Variants in JKAMP observed in about 807,000 individuals in gnomAD.
JKAMP encodes JNK1/MAPK8-associated membrane protein.
JKAMP carries 20 observed loss-of-function variants against 40.2 expected under a neutral mutation model. The observed-to-expected ratio is 0.50, with a 90% confidence interval of 0.35 to 0.72. The LOEUF (loss-of-function observed/expected upper bound fraction) is 0.72, where lower values mean the gene tolerates loss of function less well. JKAMP is among the 30% of genes least tolerant of loss of function. JKAMP has a pLI of 0.01. For missense variants in JKAMP, 276 were observed against 373.0 expected (o/e 0.74, Z 2.14); for synonymous variants, 138 against 131.6 (o/e 1.05, Z -0.33).
chr14:59,499,926 T>C (rs1159810722), intron 5 of JKAMP, among the ~76,000 whole-genome samples: 1 of 152,204 alleles, frequency 6.6e-6, no homozygotes, highest in Non-Finnish European at 1.5e-5. Flanking sequence ...TCTCTGTCTT[T>C]TGAGGTTGCC....
chr14:59,486,766 T>C lies in JKAMP; in HGVS notation c.58T>C (p.Phe20Leu). Residue 20 changes from phenylalanine to leucine, a missense_variant, in exon 2 of 7, where the codon TTT (phenylalanine) becomes CTT (leucine). Transcript: ENST00000616435. ...LGLYCGKTLL[F>L]KNGSTEIYGE... ...ACTTTATTGTGGGAAGACCCTATTA[T>C]TTAAAAATGGCTCAACTGAAATATA... is the stretch of plus-strand genomic sequence containing the variant. The C allele has an allele frequency of 6.3e-7, 1 of 1,595,206 alleles. No individual in the cohort carries two copies. Among genetic ancestry groups the C allele is most frequent in the Non-Finnish European group, 8.6e-7 (1 of 1,169,406 alleles).
intron 3 of JKAMP, among the ~76,000 whole-genome samples, chr14:59,491,367 G>A (rs562976330): frequency 4.6e-4 from 70 of 152,288 alleles, no homozygotes; most frequent in African/African-American, 1.6e-3. Context: ...TTCTAAAATT[G>A]TATTTCATTT....
intron 1 of JKAMP, chr14:59,485,241 A>G (rs1890444542): frequency 1.0e-6 from 1 of 991,872 alleles, no homozygotes; most frequent in Non-Finnish European, 1.4e-6. Context: ...TGTAAAGCCC[A>G]TACAGAAGTT....
chr14:59,491,937 C>T (rs1446307791), intron 3 of JKAMP, among the ~76,000 whole-genome samples: 1 of 152,216 alleles, frequency 6.6e-6, no homozygotes, highest in East Asian at 1.9e-4. Context: ...AGCAGAGCCT[C>T]TTTGCTGGAA....
chr14:59,487,959 A>G (rs968265748), intron 3 of JKAMP, 131 bp downstream of exon 3: 3 of 862,802 alleles, frequency 3.5e-6, no homozygotes, highest in Non-Finnish European at 5.5e-6. Context: ...TCTTCAGATT[A>G]TTCTTAACTG....
At chr14:59,490,745 T>C (rs778599799) in intron 3 of JKAMP, among the ~76,000 whole-genome samples, 1 of 152,192 alleles carries the variant, frequency 6.6e-6, no homozygotes, top group African/African-American at 2.4e-5. Flanking sequence ...ATTTCTGTTA[T>C]ATTAATAGAA....
intron 3 of JKAMP, among the ~76,000 whole-genome samples, chr14:59,490,885 C>T (rs117416635): frequency 0.017 from 2,586 of 152,198 alleles, 28 homozygotes; most frequent in Non-Finnish European, 0.022. Flanking sequence ...TCACCAAATG[C>T]GTTTGAATTC....
intron 3 of JKAMP, among the ~76,000 whole-genome samples, chr14:59,488,170 T>C (rs919607243): frequency 6.6e-6 from 1 of 151,966 alleles, no homozygotes; most frequent in Non-Finnish European, 1.5e-5. Flanking sequence ...TTAATACTAA[T>C]AATCTAGTAT....
chr14:59,502,755 T>TGTTTTTTTTTCTTTGTTTTGG (rs67189643), intron 6 of JKAMP, among the ~76,000 whole-genome samples: 1 of 122,918 alleles, frequency 8.1e-6, no homozygotes, highest in Non-Finnish European at 1.6e-5. Context: ...ATGAGATTTT[T>TGTTTTTTTTTCTTTGTTTTGG]TTTTTTTTTT....
rs1441597969 is a variant in JKAMP, at chr14:59,496,724, T to G, written c.458+1500T>G. 3.9e-5 allele frequency among the ~76,000 whole-genome samples: 6 copies of G among 152,208 alleles called. No individual in the cohort carries two copies. The East Asian group carries it at 9.6e-4, about 24-fold the overall frequency. ...AGAATCATCACACAGCTTCATTGAT[T>G]AGGACATTTTTTGTCTATTCACTAT... On this transcript the variant is annotated intron_variant, in intron 4 of 6. Coordinates refer to ENST00000616435, the MANE Select transcript of JKAMP (RefSeq NM_016475.5).
rs189239284 is a variant in JKAMP at position 59,485,049 on chromosome 14, T to C, written c.4+456T>C. ...GCAAAAAAATGGAATCTTAAAACTT[T>C]AGCCATCGTTCGCTAAAGGAAATGA... On this transcript the variant is annotated intron_variant, in intron 1 of 6. Transcript: ENST00000616435. 933 of 1,598,326 alleles carry C rather than the reference T, an allele frequency of 5.8e-4. 7 individuals are homozygous for C. In the African/African-American group the frequency reaches 0.011, roughly 18 times the overall value.
intron 5 of JKAMP, 88 bp from the exon 6 acceptor site, chr14:59,501,103 C>A: frequency 1.2e-6 from 1 of 849,664 alleles, no homozygotes. Flanking sequence ...GGATTTGACT[C>A]TAAGGAAAAT....
At chr14:59,500,530 A>G (rs1453511146) in intron 5 of JKAMP, among the ~76,000 whole-genome samples, 1 of 152,232 alleles carries the variant, frequency 6.6e-6, no homozygotes, top group Non-Finnish European at 1.5e-5. Context: ...GAATTTTGAT[A>G]TTAAGAATAC....
intron 3 of JKAMP, among the ~76,000 whole-genome samples, chr14:59,490,696 A>C (rs1331537642): frequency 6.6e-6 from 1 of 152,222 alleles, no homozygotes; most frequent in East Asian, 1.9e-4. Flanking sequence ...AATAATTTAT[A>C]AAAATACTTT....
chr14:59,498,312 T>C lies in JKAMP; in HGVS notation c.459-415T>C, dbSNP rs1255655106. 2.6e-5 allele frequency among the ~76,000 whole-genome samples: 4 copies of C among 152,342 alleles called. No homozygotes were observed. In the East Asian group the frequency reaches 7.7e-4, roughly 29 times the overall value. Reference sequence around the variant, plus strand: ...ACTAGATTTTTATGTCTGCATAATATTGCAGCATGAATATACTATAAAATA... The same window carrying C: ...ACTAGATTTTTATGTCTGCATAATACTGCAGCATGAATATACTATAAAATA... On this transcript the variant is annotated intron_variant, in intron 4 of 6. Coordinates refer to ENST00000616435, the MANE Select transcript of JKAMP (RefSeq NM_016475.5).
At chr14:59,496,300 T>G (rs1256312423) in intron 4 of JKAMP, among the ~76,000 whole-genome samples, 2 of 151,106 alleles carry the variant, frequency 1.3e-5, no homozygotes, top group African/African-American at 4.8e-5. Context: ...ACACTGATAA[T>G]GTCCTTTTTG....
intron 5 of JKAMP, 139 bp from the exon 6 acceptor site, chr14:59,501,052 C>T (rs756785569): frequency 1.5e-5 from 9 of 595,388 alleles, no homozygotes; most frequent in African/African-American, 3.8e-5. Context: ...GCCACTGCCT[C>T]AGAACCTTAG....
chr14:59,501,396 T>A (rs1223895418), intron 6 of JKAMP, 129 bp downstream of exon 6: 5 of 598,558 alleles, frequency 8.4e-6, no homozygotes, highest in Non-Finnish European at 1.1e-5. Flanking sequence ...TGATGCCACT[T>A]GGTAGCTTTT....
chr14:59,504,051 A>G lies in JKAMP; in HGVS notation c.915A>G (p.Ser305=), dbSNP rs778443920. 11 of 1,612,088 alleles carry G rather than the reference A, an allele frequency of 6.8e-6. No homozygotes were observed. ...AKFTEPSRIL[S]EGANGH is the part of the protein sequence containing the mutation. ...TTACCGAACCTTCAAGGATACTCTC[A>G]GAAGGAGCCAATGGACACTGAGTGT... The change falls in exon 7 of 7, where the codon TCA becomes TCG. Residue 305 remains serine (S), a synonymous_variant. Coordinates refer to ENST00000616435, the MANE Select transcript of JKAMP (RefSeq NM_016475.5).
Sources: gnomAD v4.1 joint callset for allele counts (sites outside exome capture counted in the v4.1 genomes callset) on GRCh38, gnomAD v4.1.1 for gene constraint, MANE v1.5 for transcripts, NCBI Gene and HGNC (gene_info 2026-07-23, HGNC 2026-07-21) for gene names.